Variants in SEC24D observed in about 807,000 individuals in gnomAD.
SEC24D encodes the protein SEC24 homolog D, COPII component.
Under a neutral mutation model 116.9 loss-of-function variants are expected in SEC24D, and 69 were observed. The observed-to-expected ratio is 0.59, with a 90% CI of 0.49 to 0.72. The LOEUF (loss-of-function observed/expected upper bound fraction) is 0.72, where lower values mean the gene tolerates loss of function less well. SEC24D is among the 30% of genes least tolerant of loss of function. The probability of loss-of-function intolerance (pLI) is 0.00; values close to 1 mark genes in which losing one functional copy is unlikely to be tolerated. For missense variants in SEC24D, 1,131 were observed against 1,264.1 expected (o/e 0.89, Z 1.60); for synonymous variants, 405 against 442.8 (o/e 0.91, Z 1.07).
At chr4:118,746,736 G>T (rs1476557599) in intron 13 of SEC24D, among the ~76,000 whole-genome samples, 2 of 152,088 alleles carry the variant, frequency 1.3e-5, no homozygotes, top group African/African-American at 4.8e-5. Context: ...GGCACAGTGT[G>T]CCTGGCTCAT....
intron 19 of SEC24D, among the ~76,000 whole-genome samples, chr4:118,735,282 A>C (rs1725900667): frequency 1.3e-5 from 2 of 152,222 alleles, no homozygotes; most frequent in African/African-American, 2.4e-5. Flanking sequence ...GAAAACAAGA[A>C]GACAATCTTA....
chr4:118,744,101 G>C lies in SEC24D; in HGVS notation c.1882C>G (p.His628Asp). Residue 628 changes from histidine (H) to aspartate (D), a missense_variant, in exon 15 of 23, where the codon CAC becomes GAC. Coordinates refer to ENST00000280551, the MANE Select transcript of SEC24D (RefSeq NM_014822.4). ...AGGAAGAGTGTCACAGAGCAGCCGT[G>C]AGCCACGCAGTCCTTGGCCAATGAG... ...YDSLAKDCVA[H>D]GCSVTLFLFP... is the part of the protein sequence containing the mutation. 6.2e-7 allele frequency: 1 copy of C among 1,613,350 alleles called. No homozygotes were observed. Among genetic ancestry groups the C allele is most frequent in the East Asian group, 2.2e-5 (1 of 44,810 alleles).
chr4:118,744,000 G>T lies in SEC24D; in HGVS notation c.1983C>A (p.Tyr661Ter). 1 of 1,597,000 alleles carries T rather than the reference G, an allele frequency of 6.3e-7. No homozygotes were observed. Among genetic ancestry groups the T allele is most frequent in the South Asian group, 1.1e-5 (1 of 87,516 alleles). ...TGCTGGCATTTACCTGGAAATTGTT[G>T]TATTTGTAAAGGGTTCCTCCAGTGA... ...PQLTGGTLYKYNNFQMHLDRQ... is the reference protein window; with the variant it reads ...PQLTGGTLYK Residue 661 changes from tyrosine to a stop codon, truncating the protein, a stop_gained, in exon 15 of 23, where the codon TAC (tyrosine) becomes TAA (stop). Transcript: ENST00000280551. LOFTEE classifies it high-confidence loss of function.
intron 3 of SEC24D, among the ~76,000 whole-genome samples, chr4:118,820,495 A>G (rs1730355541): frequency 6.6e-6 from 1 of 152,100 alleles, no homozygotes; most frequent in Non-Finnish European, 1.5e-5. Flanking sequence ...TTTTAATTTC[A>G]TTACTTTATT....
At chr4:118,743,390 G>A (rs902246813) in intron 15 of SEC24D, among the ~76,000 whole-genome samples, 10 of 149,872 alleles carry the variant, frequency 6.7e-5, no homozygotes, top group East Asian at 3.9e-4. Context: ...GTTGTCTCTC[G>A]TTATCTGTGA....
At chr4:118,805,784 C>T in intron 7 of SEC24D, 59 bp downstream of exon 7, 1 of 1,033,208 alleles carries the variant, frequency 9.7e-7, no homozygotes, top group Non-Finnish European at 1.4e-6. Flanking sequence ...AGTGTATTTG[C>T]TTTAAAAACG....
At chr4:118,782,613 A>C (rs1237600090) in intron 8 of SEC24D, among the ~76,000 whole-genome samples, 1 of 152,214 alleles carries the variant, frequency 6.6e-6, no homozygotes, top group Non-Finnish European at 1.5e-5. Flanking sequence ...CCGTGCAGGG[A>C]GAACCACTAC....
chr4:118,828,807 A>G (rs1184482103), intron 2 of SEC24D, among the ~76,000 whole-genome samples: 1 of 152,188 alleles, frequency 6.6e-6, no homozygotes, highest in African/African-American at 2.4e-5. Flanking sequence ...GTGGTACTCT[A>G]CTGCCCTTAC....
intron 6 of SEC24D, among the ~76,000 whole-genome samples, chr4:118,810,137 T>TGTGTGTGTGTGTGTGTGTGTG (rs56961502): frequency 1.9e-5 from 2 of 104,280 alleles, no homozygotes; most frequent in Non-Finnish European, 4.2e-5. Flanking sequence ...TGTGTGTGTG[T>TGTGTGTGTGTGTGTGTGTGTG]CAGAGGGTAT....
intron 3 of SEC24D, among the ~76,000 whole-genome samples, chr4:118,820,439 A>G (rs369665512): frequency 4.6e-4 from 70 of 152,306 alleles, no homozygotes; most frequent in African/African-American, 1.5e-3. Context: ...TTGGCCTTCC[A>G]AAGTGCTGGG....
At chr4:118,824,941 T>A (rs2110535775) in intron 2 of SEC24D, among the ~76,000 whole-genome samples, 192 bp from the exon 3 acceptor site, 1 of 152,264 alleles carries the variant, frequency 6.6e-6, no homozygotes, top group Non-Finnish European at 1.5e-5. Flanking sequence ...TTGACTATCA[T>A]AATGATGAAA....
chr4:118,811,642 A>G (rs1578463839), intron 6 of SEC24D, among the ~76,000 whole-genome samples: 1 of 151,660 alleles, frequency 6.6e-6, no homozygotes, highest in African/African-American at 2.4e-5. Context: ...TGCAATATCA[A>G]CTCTTCCCTG....
intron 8 of SEC24D, among the ~76,000 whole-genome samples, chr4:118,783,047 C>A (rs1185470629): frequency 6.6e-6 from 1 of 152,196 alleles, no homozygotes. Context: ...ATCCCCTGAC[C>A]CCTTGGGCTT....
At chr4:118,800,017 G>A (rs562937634) in intron 7 of SEC24D, among the ~76,000 whole-genome samples, 1 of 152,282 alleles carries the variant, frequency 6.6e-6, no homozygotes, top group African/African-American at 2.4e-5. Context: ...GAAACTTACT[G>A]TGGAAATATA....
At chr4:118,770,615 CCT>C (rs1727856742) in intron 8 of SEC24D, among the ~76,000 whole-genome samples, 2 of 152,128 alleles carry the variant, frequency 1.3e-5, no homozygotes, top group Non-Finnish European at 2.9e-5. Flanking sequence ...TAACAAATCC[CCT>C]GATTTTAGAA....
intron 8 of SEC24D, among the ~76,000 whole-genome samples, chr4:118,788,999 CAA>C (rs2110495261): frequency 6.6e-6 from 1 of 152,240 alleles, no homozygotes; most frequent in South Asian, 2.1e-4. Flanking sequence ...GGCTTAAGGT[CAA>C]AAAGACTTTA....
chr4:118,811,541 T>A (rs1465654583), intron 6 of SEC24D, among the ~76,000 whole-genome samples: 1 of 152,230 alleles, frequency 6.6e-6, no homozygotes, highest in Non-Finnish European at 1.5e-5. Context: ...ATAATGTGGC[T>A]GGGCTTAATC....
chr4:118,803,667 G>A (rs1729547826), intron 7 of SEC24D, among the ~76,000 whole-genome samples: 2 of 152,306 alleles, frequency 1.3e-5, no homozygotes, highest in South Asian at 4.1e-4. Context: ...AATAGAGGCA[G>A]TGAAGTTAAG....
intron 19 of SEC24D, among the ~76,000 whole-genome samples, chr4:118,735,014 G>C (rs1197326322): frequency 6.6e-6 from 1 of 152,198 alleles, no homozygotes; most frequent in Non-Finnish European, 1.5e-5. Context: ...TATAAAGCAT[G>C]TCCATTTGGT....
Sources: gnomAD v4.1 joint callset for allele counts (sites outside exome capture counted in the v4.1 genomes callset) on GRCh38, gnomAD v4.1.1 for gene constraint, MANE v1.5 for transcripts, NCBI Gene and HGNC (gene_info 2026-07-23, HGNC 2026-07-21) for gene names.